Variants in DIMT1 observed in about 807,000 individuals in gnomAD.
The protein encoded by DIMT1 is dimethyladenosine transferase.
In DIMT1, 36 loss-of-function variants were observed where a neutral mutation model predicts 43.2. That is an observed-to-expected ratio of 0.83 (90% CI 0.64 to 1.10). DIMT1 has a LOEUF of 1.10. Among genes scored for constraint, DIMT1 ranks in the 50% least tolerant of loss-of-function variants. The pLI is 0.00. For missense variants in DIMT1, 341 were observed against 385.3 expected (o/e 0.88, Z 0.96); for synonymous variants, 126 against 130.3 (o/e 0.97, Z 0.22).
chr5:62,393,277 T>G (rs1434674681), intron 8 of DIMT1, among the ~76,000 whole-genome samples: 2 of 152,026 alleles, frequency 1.3e-5, no homozygotes, highest in East Asian at 3.9e-4. Flanking sequence ...CCAGGCACAG[T>G]GCTGCATGCC....
rs549358306 is a variant in DIMT1 at position 62,387,519 on chromosome 5, G to C, written c.*1491C>G. On this transcript the variant is annotated 3_prime_UTR_variant, in exon 12 of 12. Coordinates refer to ENST00000199320, the MANE Select transcript of DIMT1 (RefSeq NM_014473.4). ...CACTATGATGGCTTCATTCTGATCA[G>C]GTATTTTAAAAATTAGTACCAGAAA... 7 of 152,082 alleles carry C rather than the reference G, an allele frequency of 4.6e-5. No individual in the cohort carries two copies. The highest frequency in any genetic ancestry group is 8.8e-5 in the Non-Finnish European group (6 of 67,976). 9.4% of individuals were successfully genotyped at this position (152,082 alleles called of 1,614,324 possible). A position where few individuals can be genotyped will look rare whatever the true frequency, so the allele number is the denominator to read the frequency against.
chr5:62,391,041 T>C lies in DIMT1; in HGVS notation c.793-59A>G, dbSNP rs1252519004. On this transcript the variant is annotated intron_variant, in intron 10 of 11. Transcript: ENST00000199320. ...ATATCTTTAATGAGGTCACCTTGACTCTTTTTTTTAGTTCAGTAAGTCATA... is the reference window on the plus strand; with the variant it reads ...ATATCTTTAATGAGGTCACCTTGACCCTTTTTTTTAGTTCAGTAAGTCATA... 4.2e-6 allele frequency: 6 copies of C among 1,429,636 alleles called. No individual in the cohort carries two copies. In the African/African-American group the frequency reaches 5.6e-5, roughly 13 times the overall value. 88.6% of individuals were successfully genotyped at this position (1,429,636 alleles called of 1,614,324 possible). A position where few individuals can be genotyped will look rare whatever the true frequency, so the allele number is the denominator to read the frequency against.
chr5:62,391,772 CTATATT>C (rs1457820798), intron 10 of DIMT1: 33 of 1,381,118 alleles, frequency 2.4e-5, no homozygotes, highest in Middle Eastern at 3.8e-4. Context: ...AAAGTAATAA[CTATATT>C]TGTAACTGCT....
At chr5:62,394,100 TA>T (rs1399380925) in intron 7 of DIMT1, 53 bp from the exon 8 acceptor site, 3 of 1,503,524 alleles carry the variant, frequency 2.0e-6, no homozygotes, top group Non-Finnish European at 2.8e-6. Context: ...TTTTATTTAG[TA>T]ACCAGATATG....
chr5:62,403,584 G>A, intron 1 of DIMT1, 110 bp downstream of exon 1: 1 of 1,336,600 alleles, frequency 7.5e-7, no homozygotes, highest in Non-Finnish European at 1.0e-6. Context: ...GCGCTCACGG[G>A]AGCGCGTCCT....
In DIMT1 at chr5:62,388,689, T is replaced by C. The variant is rs1041931894; in HGVS notation, c.*321A>G. On this transcript the variant is annotated 3_prime_UTR_variant, in exon 12 of 12. Transcript: ENST00000199320. ...AAGGCCTAAAGAAGGCCTTACAGTA[T>C]ATAACAGTAAATAGAAGAGTAACAT... 4.2e-5 allele frequency: 13 copies of C among 310,594 alleles called. No individual in the cohort carries two copies. The highest frequency in any genetic ancestry group is 7.2e-5 in the Non-Finnish European group (12 of 167,152). The allele number at this position is 310,594 out of a possible 1,614,324, so 19.2% of individuals were successfully genotyped here. A position where few individuals can be genotyped will look rare whatever the true frequency, so the allele number is the denominator to read the frequency against.
intron 6 of DIMT1, 124 bp downstream of exon 6, chr5:62,398,387 C>T: frequency 1.1e-6 from 1 of 946,586 alleles, no homozygotes; most frequent in Non-Finnish European, 1.7e-6. Context: ...CCATACAAAT[C>T]AACATTTTCT....
chr5:62,390,089 G>A (rs1742234041), intron 11 of DIMT1, among the ~76,000 whole-genome samples: 1 of 152,132 alleles, frequency 6.6e-6, no homozygotes, highest in African/African-American at 2.4e-5. Flanking sequence ...CTTAGAAAAA[G>A]TCAAACCAAT....
At position 62,402,121 on chromosome 5, in the gene DIMT1, G is replaced by A; in HGVS notation, c.155C>T (p.Ala52Val). 6.2e-7 allele frequency: 1 copy of A among 1,613,672 alleles called. No individual in the cohort carries two copies. Among genetic ancestry groups the A allele is most frequent in the Non-Finnish European group, 8.5e-7 (1 of 1,179,796 alleles). The change falls in exon 3 of 12, where the codon GCT becomes GTT. Residue 52 changes from alanine to valine, a missense_variant and splice_region_variant. Coordinates refer to ENST00000199320, the MANE Select transcript of DIMT1 (RefSeq NM_014473.4). ...CACTACATCAGTTGGTCTTAAGGCA[G>A]CCTAAAAGCAAGCACAAACACTTTA... ...PLIINSIIDK[A>V]ALRPTDVVLE...
intron 10 of DIMT1, 113 bp downstream of exon 10, chr5:62,392,058 T>G: frequency 6.3e-7 from 1 of 1,588,816 alleles, no homozygotes; most frequent in South Asian, 1.1e-5. Flanking sequence ...ATATTGTCTT[T>G]TAAGGATCTT....
chr5:62,401,913 C>T, intron 3 of DIMT1, 123 bp downstream of exon 3: 1 of 960,804 alleles, frequency 1.0e-6, no homozygotes, highest in Non-Finnish European at 1.5e-6. Flanking sequence ...ACAAAATTTC[C>T]AACAAGGGAT....
intron 7 of DIMT1, among the ~76,000 whole-genome samples, 160 bp downstream of exon 7, chr5:62,394,320 TAGTC>T (rs1387072887): frequency 2.6e-5 from 4 of 152,186 alleles, no homozygotes; most frequent in African/African-American, 2.4e-5. Flanking sequence ...ACCAAAAAAT[TAGTC>T]AGGCGTGGTG....
chr5:62,395,747 A>AT (rs1158131393), intron 6 of DIMT1, among the ~76,000 whole-genome samples: 4 of 152,180 alleles, frequency 2.6e-5, no homozygotes, highest in Admixed American at 1.3e-4. Context: ...ACACACCTAT[A>AT]ATCCACAGCA....
intron 2 of DIMT1, among the ~76,000 whole-genome samples, chr5:62,402,531 A>G (rs1742743627): frequency 6.6e-6 from 1 of 152,256 alleles, no homozygotes; most frequent in Non-Finnish European, 1.5e-5. Context: ...GATGCAGAAG[A>G]GCAGAAACTG....
At chr5:62,402,234 C>T in intron 2 of DIMT1, 112 bp from the exon 3 acceptor site, 2 of 1,024,502 alleles carry the variant, frequency 2.0e-6, no homozygotes, top group Non-Finnish European at 2.9e-6. Flanking sequence ...CTTAATCTGA[C>T]TCCATTTTTA....
At chr5:62,403,395 T>A (rs372927915) in intron 1 of DIMT1, 49 bp from the exon 2 acceptor site, 185 of 1,565,712 alleles carry the variant, frequency 1.2e-4, no homozygotes, top group South Asian at 3.1e-4. Flanking sequence ...AGATTAGATA[T>A]TAGGCAGTAC....
chr5:62,391,811 G>C (rs1742313807), intron 10 of DIMT1: 1 of 1,403,874 alleles, frequency 7.1e-7, no homozygotes, highest in Admixed American at 3.1e-5. Flanking sequence ...AACAAGACGT[G>C]GTCACAATTC....
chr5:62,395,192 T>A (rs1742441952), intron 6 of DIMT1, among the ~76,000 whole-genome samples: 1 of 151,898 alleles, frequency 6.6e-6, no homozygotes, highest in African/African-American at 2.4e-5. Context: ...CCCTGGCCAA[T>A]TTTTCTATTT....
At position 62,389,212 on chromosome 5, in the gene DIMT1, G is replaced by A. The variant is rs897458988; in HGVS notation, c.900-160C>T. ...ATTAAAGAAACGTTACTGGCTGGGC[G>A]CAGTGGCTTATGCCTGTAATCCCAG... On this transcript the variant is annotated intron_variant, in intron 11 of 11. Transcript: ENST00000199320. Among the ~76,000 whole-genome samples the A allele has an allele frequency of 4.6e-5, 7 of 151,966 alleles. No homozygotes were observed. In the East Asian group the frequency reaches 7.7e-4, roughly 17 times the overall value.
Sources: allele counts gnomAD v4.1 joint callset (sites outside exome capture counted in the v4.1 genomes callset), GRCh38; gene constraint gnomAD v4.1.1; transcripts MANE v1.5; gene names NCBI Gene and HGNC (gene_info 2026-07-23, HGNC 2026-07-21).